MYH11: variants seen among roughly 807,000 people sequenced by gnomAD.
MYH11 encodes the protein myosin heavy chain 11, also known as myosin-11.
A neutral mutation model predicts 246.6 loss-of-function variants in MYH11; 80 were observed. The ratio of observed to expected loss-of-function variants is 0.32; its 90% confidence interval spans 0.27 to 0.39. The LOEUF is 0.39. Ranked by LOEUF, MYH11 falls within the 10% of genes least tolerant of loss-of-function variation. The pLI, the probability that MYH11 is intolerant of heterozygous loss-of-function variation, is 1.00. For missense variants in MYH11, 2,158 were observed against 2,546.8 expected, an observed-to-expected ratio of 0.85 and a Z score of 3.29; for synonymous variants, 1,071 against 1,015.5, an observed-to-expected ratio of 1.05 and a Z score of -1.04.
At chr16:15,845,617 C>A (rs193079781) in intron 1 of MYH11, among the ~76,000 whole-genome samples, 20 of 152,222 alleles carry the variant, frequency 1.3e-4, no homozygotes, top group Admixed American at 9.2e-4. Flanking sequence ...TTTAAACAGG[C>A]AGCAAAATAG....
chr16:15,757,769 A>G (rs2041767495), intron 13 of MYH11, 58 bp downstream of exon 13: 1 of 1,611,070 alleles, frequency 6.2e-7, no homozygotes, highest in African/African-American at 1.3e-5. Context: ...TCGGCTCCAC[A>G]GAGGCCACAC....
At chr16:15,715,990 A>G (rs554771144) in intron 38 of MYH11, among the ~76,000 whole-genome samples, 1 of 151,728 alleles carries the variant, frequency 6.6e-6, no homozygotes, top group Non-Finnish European at 1.5e-5. Context: ...AGCTGGGTAC[A>G]GTGGTGTGCA....
intron 40 of MYH11, among the ~76,000 whole-genome samples, chr16:15,710,079 A>T (rs1216951508): frequency 2.0e-5 from 3 of 152,212 alleles, no homozygotes; most frequent in Admixed American, 1.3e-4. Context: ...AAAGATGCAG[A>T]AGGCAGGACA....
At chr16:15,828,532 G>C (rs899575805) in intron 2 of MYH11, among the ~76,000 whole-genome samples, 2 of 152,144 alleles carry the variant, frequency 1.3e-5, no homozygotes, top group Non-Finnish European at 2.9e-5. Flanking sequence ...CACTCAGTCA[G>C]CTGTAATCCC....
chr16:15,763,761 A>G (rs368811469), intron 10 of MYH11, 35 bp downstream of exon 10: 3 of 217,812 alleles, frequency 1.4e-5, no homozygotes, highest in Non-Finnish European at 2.7e-5. Context: ...CCCCAACCCC[A>G]AAGTCATTGG....
intron 1 of MYH11, among the ~76,000 whole-genome samples, chr16:15,849,020 C>A (rs994970898): frequency 6.6e-6 from 1 of 152,206 alleles, no homozygotes; most frequent in Non-Finnish European, 1.5e-5. Flanking sequence ...AATTACTACC[C>A]AGAACTGCTG....
chr16:15,716,278 G>A (rs1266309201), intron 38 of MYH11, among the ~76,000 whole-genome samples: 2 of 152,134 alleles, frequency 1.3e-5, no homozygotes, highest in Admixed American at 6.6e-5. Flanking sequence ...AAATGACTGT[G>A]GTGATCGTTT....
intron 40 of MYH11, chr16:15,713,619 C>T (rs539022842): frequency 6.6e-6 from 1 of 152,248 alleles, no homozygotes; most frequent in African/African-American, 2.4e-5. Flanking sequence ...CCTCAGCCTC[C>T]TGAGTAGCTG....
In MYH11 at chr16:15,759,623, C is replaced by T. The variant is rs749264459; in HGVS notation, c.1354G>A (p.Ala452Thr). The T allele has an allele frequency of 1.9e-6, 3 of 1,614,196 alleles. No homozygotes were observed. Among genetic ancestry groups the T allele is most frequent in the Non-Finnish European group, 2.5e-6 (3 of 1,180,032 alleles). The change falls in exon 12 of 41, where the codon GCT becomes ACT. Residue 452 changes from alanine (A) to threonine (T), a missense_variant. By Grantham distance (58) the Ala-to-Thr change is moderately conservative. Coordinates refer to ENST00000300036, the MANE Select transcript of MYH11 (RefSeq NM_002474.3). ...KALDKTHRQG[A>T]SFLGILDIAG... is the part of the protein sequence containing the mutation. Reference sequence around the variant, plus strand: ...ATATCCAGGATCCCCAGGAAGGAAGCCCCTTGCCGATGGGTCTTGTCCAGG... The same window carrying T: ...ATATCCAGGATCCCCAGGAAGGAAGTCCCTTGCCGATGGGTCTTGTCCAGG...
chr16:15,809,958 G>A (rs998656973), intron 3 of MYH11, among the ~76,000 whole-genome samples: 1 of 152,108 alleles, frequency 6.6e-6, no homozygotes, highest in African/African-American at 2.4e-5. Context: ...GTGTTGCCAA[G>A]TGTCAGCTGG....
intron 32 of MYH11, 176 bp from the exon 33 acceptor site, chr16:15,721,227 C>T: frequency 1.1e-6 from 1 of 926,598 alleles, no homozygotes; most frequent in East Asian, 2.6e-5. Flanking sequence ...TATCCTCGGA[C>T]CCCCCAACTC....
Position 15,740,159 on chromosome 16 carries a change from T to C in MYH11, c.2889A>G (p.Glu963=). The change falls in exon 23 of 41, where the codon GAA becomes GAG. Residue 963 remains glutamate, a synonymous_variant. Coordinates refer to ENST00000300036, the MANE Select transcript of MYH11 (RefSeq NM_002474.3). ...LDLEEQLEEE[E]AARQKLQLEK... ...CAAGTTGCAGCTTCTGCCTGGCAGC[T>C]TCCTCCTCCTCCAGCTGTTCTTCAA... is the stretch of plus-strand genomic sequence containing the variant. 1 of 1,614,198 alleles carries C rather than the reference T, an allele frequency of 6.2e-7. No homozygotes were observed. Among genetic ancestry groups the C allele is most frequent in the Non-Finnish European group, 8.5e-7 (1 of 1,180,030 alleles).
In MYH11 at chr16:15,715,211, G is replaced by C; in HGVS notation, c.5566C>G (p.Leu1856Val). ...ATCTTGCGCTCGTCCTCCACCTGCA[G>C]CAAGATTTCCTTCAGCTTCTTGTCT... ...QKDKKLKEIL[L>V]QVEDERKMAE... The change falls in exon 39 of 41, where the codon CTG (leucine) becomes GTG (valine). Residue 1856 changes from leucine to valine, a missense_variant. Leu to Val is a conservative substitution (Grantham distance 32). This residue lies in a region of MYH11 where 1,013 missense variants were observed against 993.5 expected (regional missense o/e 1.02). Coordinates refer to ENST00000300036, the MANE Select transcript of MYH11 (RefSeq NM_002474.3). 1 of 1,614,110 alleles carries C rather than the reference G, an allele frequency of 6.2e-7. No individual in the cohort carries two copies. Among genetic ancestry groups the C allele is most frequent in the Non-Finnish European group, 8.5e-7 (1 of 1,180,038 alleles).
intron 8 of MYH11, among the ~76,000 whole-genome samples, chr16:15,772,859 C>T (rs547560364): frequency 2.6e-5 from 4 of 152,296 alleles, no homozygotes; most frequent in East Asian, 1.9e-4. Flanking sequence ...CAAACCCTAT[C>T]GTGAGCTGCA....
intron 7 of MYH11, among the ~76,000 whole-genome samples, chr16:15,776,629 C>T (rs986237921): frequency 1.3e-5 from 2 of 152,142 alleles, no homozygotes; most frequent in Admixed American, 6.6e-5. Context: ...CAACTATTAT[C>T]GGTGTTTTCA....
At chr16:15,829,825 G>C (rs959399734) in intron 2 of MYH11, among the ~76,000 whole-genome samples, 6 of 152,142 alleles carry the variant, frequency 3.9e-5, no homozygotes, top group Non-Finnish European at 1.5e-5. Context: ...GAAGTGGAAG[G>C]AACACTGGCT....
At chr16:15,803,353 T>A (rs907562507) in intron 3 of MYH11, among the ~76,000 whole-genome samples, 42 of 151,034 alleles carry the variant, frequency 2.8e-4, no homozygotes, top group Non-Finnish European at 1.2e-4. Context: ...CTTGGCTCAC[T>A]GCAACCTCTG....
At chr16:15,781,486 G>A (rs1283653990) in intron 6 of MYH11, among the ~76,000 whole-genome samples, 2 of 152,176 alleles carry the variant, frequency 1.3e-5, no homozygotes, top group Admixed American at 1.3e-4. Flanking sequence ...ACAGTTCAGA[G>A]ACCCCCTTCT....
At chr16:15,721,074 C>T in intron 32 of MYH11, 23 bp from the exon 33 acceptor site, 1 of 1,612,432 alleles carries the variant, frequency 6.2e-7, no homozygotes, top group Non-Finnish European at 8.5e-7. Flanking sequence ...CGGGCAGCCC[C>T]ATTCTATGAG....
Sources: gnomAD v4.1 joint callset for allele counts (sites outside exome capture counted in the v4.1 genomes callset) on GRCh38, gnomAD v4.1.1 for gene constraint, gnomAD v4.1.1 regional missense constraint, MANE v1.5 for transcripts, NCBI Gene and HGNC (gene_info 2026-07-23, HGNC 2026-07-21) for gene names.